Variants in HIVEP2 observed in about 807,000 individuals in gnomAD.
HIVEP2 encodes the protein HIVEP zinc finger 2, also known as transcription factor HIVEP2.
Under a neutral mutation model 180.7 loss-of-function variants are expected in HIVEP2, and 14 were observed. The ratio of observed to expected loss-of-function variants is 0.08; its 90% CI spans 0.05 to 0.12. The LOEUF is 0.12. Ranked by LOEUF, HIVEP2 falls within the 10% of genes least tolerant of loss-of-function variation. The pLI is 1.00. For missense variants in HIVEP2, 2,579 were observed against 3,008.5 expected (o/e 0.86, Z 3.34); for synonymous variants, 1,184 against 1,136.4 (o/e 1.04, Z -0.84).
At position 142,760,502 on chromosome 6, in the gene HIVEP2, G is replaced by C; in HGVS notation, c.5786C>G (p.Pro1929Arg). ...DDFDDQGDLT[P>R]KTRSRSTSPQ... The stretch of plus-strand genomic sequence containing the variant: ...ACTGGTGCTTCTTGATCTTGTTTTT[G>C]GTGTTAAATCTCCCTGGTCGTCAAA... Residue 1929 changes from proline to arginine, a missense_variant, in exon 9 of 10, where the codon CCA becomes CGA. Physicochemically the swap from Pro to Arg is moderately radical, Grantham distance 103 (BLOSUM62 -2). Around this residue, in one of 11 missense-constraint regions of HIVEP2, gnomAD observed 660 missense variants for 731.7 expected, o/e 0.90. Transcript: ENST00000367603. 6.2e-7 allele frequency: 1 copy of C among 1,614,034 alleles called. No homozygotes were observed. The highest frequency in any genetic ancestry group is 8.5e-7 in the Non-Finnish European group (1 of 1,180,006).
In HIVEP2 at chr6:142,753,620, A is replaced by G; in HGVS notation, c.6828T>C (p.Tyr2276=). Residue 2276 remains tyrosine, a synonymous_variant, in exon 10 of 10, where the codon TAT becomes TAC. Coordinates refer to ENST00000367603, the MANE Select transcript of HIVEP2 (RefSeq NM_006734.4). ...GCTTCTCATGCTGCTTAGAAAGCAC[A>G]TAGGGGTCCTTGGAGAAGGACTCCC... ...ASGESFSKDP[Y]VLSKQHEKRG... The G allele has an allele frequency of 6.2e-7, 1 of 1,614,226 alleles. No homozygotes were observed. Among genetic ancestry groups the G allele is most frequent in the South Asian group, 1.1e-5 (1 of 91,090 alleles).
rs780149789 is a variant in HIVEP2 at position 142,774,448 on chromosome 6, T to C, written c.291A>G (p.Ser97=). 12 of 1,613,792 alleles carry C rather than the reference T, an allele frequency of 7.4e-6. No homozygotes were observed. The highest frequency in any genetic ancestry group is 1.0e-5 in the Non-Finnish European group (12 of 1,179,948). ...GCAATGAGTGCTGAGGGAAAGAGAG[T>C]GAGTGTTGGCATGAGTAAGGACTCG... The part of the protein sequence containing the change: ...HRPSPYSCQH[S]LSFPQHSLPQ... Residue 97 remains serine, a synonymous_variant, in exon 5 of 10, where the codon TCA becomes TCG. Transcript: ENST00000367603. The surrounding 1 kb of genome is among the most constrained non-coding windows in gnomAD (Gnocchi z 5.1).
intron 2 of HIVEP2, among the ~76,000 whole-genome samples, chr6:142,795,010 A>T (rs1186708962): frequency 1.3e-5 from 2 of 152,144 alleles, no homozygotes; most frequent in Non-Finnish European, 2.9e-5. Flanking sequence ...TTTCTCCTCA[A>T]ATAAATGTAA....
chr6:142,845,611 C>G (rs560078830), intron 1 of HIVEP2, among the ~76,000 whole-genome samples: 1 of 152,312 alleles, frequency 6.6e-6, no homozygotes, highest in African/African-American at 2.4e-5. Flanking sequence ...TAACTACAAG[C>G]CTGGGACCAT....
rs755910181 is a variant in HIVEP2 at position 142,773,838 on chromosome 6, T to C, written c.901A>G (p.Ile301Val). ...ASDKMSPGPP[I>V]PLDIASRGGY... ...CCTCTGCTGGCAATGTCCAGTGGGA[T>C]GGGTGGACCAGGACTCATTTTGTCA... The change falls in exon 5 of 10, where the codon ATC (isoleucine) becomes GTC (valine). Residue 301 changes from isoleucine to valine, a missense_variant. Around this residue, in one of 11 missense-constraint regions of HIVEP2, gnomAD observed 142 missense variants for 135.2 expected, o/e 1.05. Coordinates refer to ENST00000367603, the MANE Select transcript of HIVEP2 (RefSeq NM_006734.4). 4 of 1,613,542 alleles carry C rather than the reference T, an allele frequency of 2.5e-6. No homozygotes were observed. Among genetic ancestry groups the C allele is most frequent in the Non-Finnish European group, 3.4e-6 (4 of 1,179,998 alleles).
chr6:142,808,791 G>T (rs371376273), intron 2 of HIVEP2, among the ~76,000 whole-genome samples: 1 of 152,026 alleles, frequency 6.6e-6, no homozygotes, highest in Admixed American at 6.6e-5. Context: ...TGGATGGAGG[G>T]AGGAAGGGAA....
chr6:142,939,267 AG>A (rs1448772883), intron 1 of HIVEP2, among the ~76,000 whole-genome samples: 3 of 152,072 alleles, frequency 2.0e-5, no homozygotes, highest in Admixed American at 6.6e-5. Context: ...ATCATTCAGT[AG>A]GGGCAACTTT....
rs1447345674 is a variant in HIVEP2, at chr6:142,763,441, C to T, written c.5518+1358G>A. Among the ~76,000 whole-genome samples the T allele has an allele frequency of 2.0e-5, 3 of 152,190 alleles. No homozygotes were observed. In the East Asian group the frequency reaches 5.8e-4, roughly 29 times the overall value. On this transcript the variant is annotated intron_variant, in intron 7 of 9. Transcript: ENST00000367603. ...TCATTTTAAGATTCTGAGACATTTG[C>T]ACATTCCCAAAGGGTGACAAGGAAA...
At chr6:142,760,991 G>A (rs1775218785) in intron 8 of HIVEP2, among the ~76,000 whole-genome samples, 1 of 152,196 alleles carries the variant, frequency 6.6e-6, no homozygotes, top group African/African-American at 2.4e-5. Flanking sequence ...GAGAAAGAAA[G>A]GCAACAACCT....
intron 8 of HIVEP2, among the ~76,000 whole-genome samples, chr6:142,761,078 T>C (rs1051982913): frequency 6.6e-6 from 1 of 152,214 alleles, no homozygotes; most frequent in African/African-American, 2.4e-5. Flanking sequence ...ATGATGTTTG[T>C]TTGCTAGTTT....
At chr6:142,926,000 G>C (rs1777799695) in intron 1 of HIVEP2, among the ~76,000 whole-genome samples, 1 of 152,176 alleles carries the variant, frequency 6.6e-6, no homozygotes. Flanking sequence ...CTGCTCAGCT[G>C]ATACGACTCT....
intron 1 of HIVEP2, among the ~76,000 whole-genome samples, chr6:142,931,858 A>T (rs1196567528): frequency 6.6e-6 from 1 of 152,206 alleles, no homozygotes; most frequent in Admixed American, 6.5e-5. Context: ...AAACCCCTTA[A>T]GCTGGAATAT....
intron 9 of HIVEP2, among the ~76,000 whole-genome samples, chr6:142,757,529 C>T (rs1016730293): frequency 3.3e-5 from 5 of 152,010 alleles, no homozygotes; most frequent in Admixed American, 6.5e-5. Flanking sequence ...TGTGGTGGCA[C>T]GTGCCTATAG....
At chr6:142,804,468 G>A (rs1776495408) in intron 2 of HIVEP2, among the ~76,000 whole-genome samples, 1 of 152,032 alleles carries the variant, frequency 6.6e-6, no homozygotes. Context: ...GTGGCTTGCT[G>A]AAGACAAGAA....
intron 2 of HIVEP2, among the ~76,000 whole-genome samples, chr6:142,784,242 C>T (rs1412805051): frequency 6.6e-6 from 1 of 152,058 alleles, no homozygotes. Context: ...GAGTTTATCT[C>T]CCAGTATAAA....
intron 2 of HIVEP2, among the ~76,000 whole-genome samples, chr6:142,796,217 T>C (rs513396): frequency 0.058 from 8,814 of 152,182 alleles, 351 homozygotes; most frequent in Non-Finnish European, 0.085. Context: ...ATCAGCATAG[T>C]AAACAGTCAG....
intron 2 of HIVEP2, among the ~76,000 whole-genome samples, chr6:142,790,013 A>C (rs1055739649): frequency 2.0e-5 from 3 of 152,232 alleles, no homozygotes; most frequent in African/African-American, 7.2e-5. Flanking sequence ...AAGCAAAAAT[A>C]ATTACTTAAT....
chr6:142,923,323 T>C (rs138675310), intron 1 of HIVEP2, among the ~76,000 whole-genome samples: 2,773 of 150,284 alleles, frequency 0.018, 96 homozygotes, highest in African/African-American at 0.065. Flanking sequence ...AGAGCAAGAC[T>C]CCGTCTCAAA....
At position 142,840,122 on chromosome 6, in the gene HIVEP2, C is replaced by T. The variant is rs376712996; in HGVS notation, c.-640-3075G>A. The stretch of plus-strand genomic sequence containing the variant: ...CAGAGTACCCCCTTCATCATGGTTA[C>T]AATCAACTCGTCTCTTCACAAACCC... On this transcript the variant is annotated intron_variant, in intron 1 of 9. Coordinates refer to ENST00000367603, the MANE Select transcript of HIVEP2 (RefSeq NM_006734.4). Among the ~76,000 whole-genome samples, 20 of 152,206 alleles carry T rather than the reference C, an allele frequency of 1.3e-4. No homozygotes were observed. The East Asian group carries it at 3.9e-3, about 29-fold the overall frequency.
Sources: gnomAD v4.1 joint callset for allele counts (sites outside exome capture counted in the v4.1 genomes callset) on GRCh38, gnomAD v4.1.1 for gene constraint, gnomAD v4.1.1 regional missense constraint, Gnocchi (gnomAD v3.1) non-coding constraint, MANE v1.5 for transcripts, NCBI Gene and HGNC (gene_info 2026-07-23, HGNC 2026-07-21) for gene names.